Variants in SLC25A40 observed in about 807,000 individuals in gnomAD.
The protein encoded by SLC25A40 is mitochondrial glutathione transporter SLC25A40.
A neutral mutation model predicts 46.5 loss-of-function variants in SLC25A40; 41 were observed. The observed-to-expected ratio is 0.88, with a 90% CI of 0.69 to 1.14. SLC25A40 has a LOEUF of 1.14. Ranked by LOEUF, SLC25A40 falls within the 50% of genes most tolerant of loss-of-function variation. The pLI, the probability that SLC25A40 is intolerant of heterozygous loss-of-function variation, is 0.00. For synonymous variants in SLC25A40, 126 were observed against 127.5 expected (o/e 0.99, Z 0.08); for missense variants, 386 against 393.6 (o/e 0.98, Z 0.16).
intron 1 of SLC25A40, among the ~76,000 whole-genome samples, chr7:87,870,340 A>T (rs751841613): frequency 2.9e-4 from 44 of 152,050 alleles, no homozygotes; most frequent in Non-Finnish European, 7.4e-5. Context: ...TCTGAAGCAA[A>T]GGACAAAAAT....
chr7:87,856,821 T>C (rs950259880), intron 3 of SLC25A40, among the ~76,000 whole-genome samples: 6 of 152,176 alleles, frequency 3.9e-5, no homozygotes, highest in African/African-American at 7.2e-5. Flanking sequence ...CACTAAGTTA[T>C]GTTATTCCAT....
At chr7:87,844,843 T>G (rs1474924468) in intron 8 of SLC25A40, among the ~76,000 whole-genome samples, 1 of 151,814 alleles carries the variant, frequency 6.6e-6, no homozygotes, top group Non-Finnish European at 1.5e-5. Flanking sequence ...AAAAAAGAGA[T>G]GAATACAACC....
chr7:87,873,676 C>T (rs538084550), intron 1 of SLC25A40, among the ~76,000 whole-genome samples: 1 of 152,130 alleles, frequency 6.6e-6, no homozygotes, highest in East Asian at 1.9e-4. Flanking sequence ...CGTGATCCGC[C>T]ACCTCGGCCT....
chr7:87,847,768 T>C (rs2131002707), intron 7 of SLC25A40, 85 bp downstream of exon 7: 2 of 1,335,890 alleles, frequency 1.5e-6, no homozygotes, highest in Non-Finnish European at 2.0e-6. Flanking sequence ...ATACTCTATA[T>C]ATTATACAAA....
chr7:87,836,225 T>C lies in SLC25A40; in HGVS notation c.*24A>G. 1.4e-6 allele frequency: 2 copies of C among 1,413,444 alleles called. No individual in the cohort carries two copies. The highest frequency in any genetic ancestry group is 2.0e-6 in the Non-Finnish European group (2 of 1,019,916). The allele number at this position is 1,413,444 out of a possible 1,614,324, so 87.6% of individuals were successfully genotyped here. ...TCTCCATCTTCTTTGGCTATAGTTG[T>C]TGTTTCAAGTTGAAACAGCATCACT... On this transcript the variant is annotated 3_prime_UTR_variant, in exon 12 of 12. Transcript: ENST00000341119.
intron 9 of SLC25A40, among the ~76,000 whole-genome samples, chr7:87,843,042 A>G (rs754743536): frequency 2.6e-5 from 4 of 152,040 alleles, no homozygotes; most frequent in Non-Finnish European, 5.9e-5. Flanking sequence ...TATTATTACA[A>G]TATTTTTCTG....
chr7:87,868,239 C>T (rs1187378553), intron 1 of SLC25A40, among the ~76,000 whole-genome samples: 1 of 152,170 alleles, frequency 6.6e-6, no homozygotes, highest in African/African-American at 2.4e-5. Context: ...CTATTCTGTG[C>T]ACTTGGTGCC....
At chr7:87,871,780 T>C (rs968698805) in intron 1 of SLC25A40, among the ~76,000 whole-genome samples, 1 of 152,214 alleles carries the variant, frequency 6.6e-6, no homozygotes, top group African/African-American at 2.4e-5. Context: ...TTGTATCATC[T>C]TTGCCTTTCT....
chr7:87,856,946 T>C (rs1838623747), intron 3 of SLC25A40, among the ~76,000 whole-genome samples: 1 of 151,982 alleles, frequency 6.6e-6, no homozygotes. Flanking sequence ...TTGAGAATGA[T>C]GATAATTATA....
chr7:87,836,377 G>A lies in SLC25A40; in HGVS notation c.905-16C>T, dbSNP rs1838258239. The A allele has an allele frequency of 2.1e-6, 3 of 1,418,824 alleles. No homozygotes were observed. Among genetic ancestry groups the A allele is most frequent in the Non-Finnish European group, 2.8e-6 (3 of 1,064,254 alleles). 87.9% of individuals were successfully genotyped at this position (1,418,824 alleles called of 1,614,324 possible). On this transcript the variant is annotated splice_polypyrimidine_tract_variant and intron_variant, in intron 11 of 11. Transcript: ENST00000341119. ...GGAATTAGGCCTGAGAAAAGAATAG[G>A]AATAATCAAAACAAATATTTTTTTC...
chr7:87,856,064 C>T (rs1488052456), intron 4 of SLC25A40, among the ~76,000 whole-genome samples: 2 of 152,054 alleles, frequency 1.3e-5, no homozygotes, highest in Non-Finnish European at 2.9e-5. Context: ...AATACAAATA[C>T]ATAACCATCC....
At chr7:87,841,788 T>C in intron 9 of SLC25A40, 74 bp from the exon 10 acceptor site, 1 of 792,364 alleles carries the variant, frequency 1.3e-6, no homozygotes. Context: ...ATTCTTCTTA[T>C]TAGTATATTA....
intron 5 of SLC25A40, 94 bp from the exon 6 acceptor site, chr7:87,850,042 G>T: frequency 4.0e-6 from 3 of 754,912 alleles, no homozygotes; most frequent in Non-Finnish European, 4.1e-6. Flanking sequence ...ATTCTTTCAG[G>T]TATTTATATC....
In SLC25A40 at chr7:87,858,783, A is replaced by T. The variant is rs139357332; in HGVS notation, c.-24-32T>A. ...AAAAGAAAACATAAAATTAGAGCAC[A>T]TCCTCTGATCTTTCAAAAATGATAA... is the stretch of plus-strand genomic sequence containing the variant. On this transcript the variant is annotated intron_variant, in intron 2 of 11. Transcript: ENST00000341119. 6.0e-6 allele frequency: 7 copies of T among 1,174,994 alleles called. No individual in the cohort carries two copies. In the African/African-American group the frequency reaches 9.2e-5, roughly 15 times the overall value. 72.8% of individuals were successfully genotyped at this position (1,174,994 alleles called of 1,614,324 possible). A position where few individuals can be genotyped will look rare whatever the true frequency, so the allele number is the denominator to read the frequency against.
rs777405873 is a variant in SLC25A40, at chr7:87,841,994, CACT to C, written c.742-283_742-281del. On this transcript the variant is annotated intron_variant, in intron 9 of 11. Transcript: ENST00000341119. ...AATTCCAACCAAGCCTCTCTGACTC[CACT>C]ACCAGCATTCACAATTTCTCACGCT... 2.4e-4 allele frequency: 97 copies of C among 401,184 alleles called. No homozygotes were observed. In the Admixed American group the frequency reaches 2.7e-3, roughly 11 times the overall value. The allele number at this position is 401,184 out of a possible 1,614,324, so 24.9% of individuals were successfully genotyped here.
At chr7:87,836,405 A>C in intron 11 of SLC25A40, 44 bp from the exon 12 acceptor site, 1 of 1,219,738 alleles carries the variant, frequency 8.2e-7, no homozygotes. Flanking sequence ...TTTTTTTCTT[A>C]CCTTATTTTT....
intron 3 of SLC25A40, among the ~76,000 whole-genome samples, chr7:87,856,650 T>A (rs1244354498): frequency 6.6e-6 from 1 of 152,166 alleles, no homozygotes; most frequent in Non-Finnish European, 1.5e-5. Flanking sequence ...ATATGATTTC[T>A]AATATAAGAA....
chr7:87,867,419 G>A (rs1838821306), intron 1 of SLC25A40, among the ~76,000 whole-genome samples: 3 of 151,974 alleles, frequency 2.0e-5, no homozygotes, highest in African/African-American at 4.8e-5. Flanking sequence ...CAAATGTATT[G>A]CTGAGTTCCA....
chr7:87,858,620 C>T lies in SLC25A40; in HGVS notation c.97+11G>A. On this transcript the variant is annotated intron_variant, in intron 3 of 11. Coordinates refer to ENST00000341119, the MANE Select transcript of SLC25A40 (RefSeq NM_018843.4). Reference sequence around the variant, plus strand: ...AAAGTTACATAATCTACATCAGTAACATAATTTTACCTATTACTGATGTCA... The same window carrying T: ...AAAGTTACATAATCTACATCAGTAATATAATTTTACCTATTACTGATGTCA... 3 of 1,428,240 alleles carry T rather than the reference C, an allele frequency of 2.1e-6. No individual in the cohort carries two copies. The highest frequency in any genetic ancestry group is 3.0e-6 in the Non-Finnish European group (3 of 1,011,178). 88.5% of individuals were successfully genotyped at this position (1,428,240 alleles called of 1,614,324 possible). A position where few individuals can be genotyped will look rare whatever the true frequency, so the allele number is the denominator to read the frequency against.
Sources: gnomAD v4.1 joint callset for allele counts (sites outside exome capture counted in the v4.1 genomes callset) on GRCh38, gnomAD v4.1.1 for gene constraint, MANE v1.5 for transcripts, NCBI Gene and HGNC (gene_info 2026-07-23, HGNC 2026-07-21) for gene names.